The following HEMK2 variants were observed in gnomAD, a reference collection of about 807,000 sequenced individuals.
HEMK2 encodes the protein methyltransferase HEMK2.
At chr21:28,589,554 G>A in the HEMK2 span, among the ~76,000 whole-genome samples, 1 of 152,110 alleles carries the variant, frequency 6.6e-6, no homozygotes, top group Admixed American at 6.6e-5. Context: ...CATTATGCAT[G>A]TAGGCTGAAA....
the HEMK2 span, among the ~76,000 whole-genome samples, chr21:28,803,376 G>GAC: frequency 7.9e-5 from 12 of 152,070 alleles, no homozygotes; most frequent in African/African-American, 2.9e-4. Context: ...AATGGCCTTT[G>GAC]TATACATAGT....
the HEMK2 span, among the ~76,000 whole-genome samples, chr21:28,708,616 T>C: frequency 6.6e-6 from 1 of 152,198 alleles, no homozygotes; most frequent in East Asian, 1.9e-4. Flanking sequence ...AGTATTATGG[T>C]GTGGTTTGAA....
the HEMK2 span, among the ~76,000 whole-genome samples, chr21:28,847,252 C>T: frequency 6.6e-6 from 1 of 152,164 alleles, no homozygotes; most frequent in Non-Finnish European, 1.5e-5. Flanking sequence ...AATGTATAAG[C>T]ATTCCCTTTT....
At chr21:28,679,488 C>T in the HEMK2 span, among the ~76,000 whole-genome samples, 3 of 152,178 alleles carry the variant, frequency 2.0e-5, no homozygotes, top group East Asian at 1.9e-4. Flanking sequence ...TTAGACAGAT[C>T]AACGAGACAG....
the HEMK2 span, among the ~76,000 whole-genome samples, chr21:28,826,472 G>A: frequency 6.6e-6 from 1 of 152,168 alleles, no homozygotes; most frequent in East Asian, 1.9e-4. Flanking sequence ...TTCCCAGCAT[G>A]CCAGAGTTAT....
chr21:28,831,845 T>C, the HEMK2 span, among the ~76,000 whole-genome samples: 3 of 152,148 alleles, frequency 2.0e-5, no homozygotes, highest in East Asian at 1.9e-4. Context: ...TCATGTTCCA[T>C]AGCTGTTTGT....
the HEMK2 span, among the ~76,000 whole-genome samples, chr21:28,692,945 C>T: frequency 7.2e-5 from 11 of 151,986 alleles, no homozygotes; most frequent in Admixed American, 2.0e-4. Flanking sequence ...TCAAAATAGG[C>T]GAATCCAAAG....
the HEMK2 span, among the ~76,000 whole-genome samples, chr21:28,591,520 A>C: frequency 6.6e-6 from 1 of 152,234 alleles, no homozygotes; most frequent in African/African-American, 2.4e-5. Flanking sequence ...TCCATCAGTA[A>C]GTTGAACAAG....
the HEMK2 span, among the ~76,000 whole-genome samples, chr21:28,738,075 G>A: frequency 7.7e-3 from 1,168 of 152,274 alleles, 5 homozygotes; most frequent in Non-Finnish European, 0.011. Flanking sequence ...GCTGCAAGTG[G>A]AGAGCTCAGA....
At chr21:28,665,525 C>T in the HEMK2 span, among the ~76,000 whole-genome samples, 1 of 150,842 alleles carries the variant, frequency 6.6e-6, no homozygotes, top group Admixed American at 6.6e-5. Flanking sequence ...GTGCAGCGCA[C>T]CAACATGGCA....
chr21:28,686,194 GGTTTTTT>G, the HEMK2 span, among the ~76,000 whole-genome samples: 3 of 151,934 alleles, frequency 2.0e-5, no homozygotes, highest in African/African-American at 7.3e-5. Flanking sequence ...CTCACCATTA[GGTTTTTT>G]GTTTTTTGTT....
chr21:28,831,574 AGAAAGAAGGAAAGAAG>A, the HEMK2 span, among the ~76,000 whole-genome samples: 2 of 40,860 alleles, frequency 4.9e-5, no homozygotes, highest in African/African-American at 1.7e-4. Flanking sequence ...AAGGAAAGAA[AGAAAGAAGGAAAGAAG>A]GAAAGAAGGA....
the HEMK2 span, among the ~76,000 whole-genome samples, chr21:28,794,845 C>A: frequency 6.6e-6 from 1 of 152,066 alleles, no homozygotes; most frequent in Admixed American, 6.6e-5. Flanking sequence ...GAGACTCAAG[C>A]AAAAAGTGTG....
the HEMK2 span, among the ~76,000 whole-genome samples, chr21:28,646,523 T>C: frequency 3.9e-5 from 6 of 152,212 alleles, no homozygotes; most frequent in African/African-American, 1.2e-4. Context: ...TCTGTTGCTA[T>C]GTAACAAACC....
At chr21:28,671,522 C>T in the HEMK2 span, among the ~76,000 whole-genome samples, 1 of 152,188 alleles carries the variant, frequency 6.6e-6, no homozygotes, top group South Asian at 2.1e-4. Flanking sequence ...TGAAATCAAA[C>T]ATTTCTGGGA....
chr21:28,735,274 G>A, the HEMK2 span, among the ~76,000 whole-genome samples: 2 of 152,158 alleles, frequency 1.3e-5, no homozygotes, highest in African/African-American at 4.8e-5. Flanking sequence ...TCTACCCTGG[G>A]TATCATAAGG....
chr21:28,823,938 A>ATACACAGAATCT, the HEMK2 span, among the ~76,000 whole-genome samples: 2 of 152,178 alleles, frequency 1.3e-5, no homozygotes, highest in Admixed American at 6.5e-5. Context: ...CCCTCAGGTA[A>ATACACAGAATCT]GCTTGTGTAT....
At chr21:28,716,706 T>G in the HEMK2 span, among the ~76,000 whole-genome samples, 6 of 152,210 alleles carry the variant, frequency 3.9e-5, no homozygotes, top group Non-Finnish European at 8.8e-5. Flanking sequence ...TTAAGGGAAA[T>G]GCTTCCAGCT....
the HEMK2 span, among the ~76,000 whole-genome samples, chr21:28,881,361 C>T: frequency 9.2e-5 from 14 of 152,294 alleles, no homozygotes; most frequent in African/African-American, 3.1e-4. Context: ...TCTCCTTTGG[C>T]CACAGCAAAA....
Sources: gnomAD v4.1 joint callset for allele counts (sites outside exome capture counted in the v4.1 genomes callset) on GRCh38, gnomAD v4.1.1 for gene constraint, MANE v1.5 for transcripts, NCBI Gene and HGNC (gene_info 2026-07-23, HGNC 2026-07-21) for gene names.